Variants in FAP observed in about 807,000 individuals in gnomAD.
The protein encoded by FAP is fibroblast activation protein alpha.
Under a neutral mutation model 126.5 loss-of-function variants are expected in FAP, and 110 were observed. The ratio of observed to expected loss-of-function variants is 0.87; its 90% confidence interval spans 0.74 to 1.02. The LOEUF (loss-of-function observed/expected upper bound fraction) is 1.02. Among genes scored for constraint, FAP ranks in the 50% least tolerant of loss-of-function variants. The probability of loss-of-function intolerance (pLI) is 0.00; values close to 1 mark genes in which losing one functional copy is unlikely to be tolerated. For missense variants in FAP, 919 were observed against 909.2 expected (o/e 1.01, Z -0.14); for synonymous variants, 334 against 297.3 (o/e 1.12, Z -1.27).
intron 21 of FAP, among the ~76,000 whole-genome samples, chr2:162,180,371 C>A (rs376648882): frequency 6.6e-6 from 1 of 152,108 alleles, no homozygotes; most frequent in Admixed American, 6.6e-5. Context: ...AATTGAAGTG[C>A]GAAACCTGTG....
At chr2:162,213,799 T>C in intron 11 of FAP, 139 bp downstream of exon 11, 1 of 670,684 alleles carries the variant, frequency 1.5e-6, no homozygotes, top group East Asian at 2.7e-5. Flanking sequence ...CCATGAATAC[T>C]GAGTGTGTTT....
intron 2 of FAP, among the ~76,000 whole-genome samples, chr2:162,232,149 C>G (rs910676879): frequency 1.3e-5 from 2 of 151,496 alleles, no homozygotes; most frequent in African/African-American, 4.9e-5. Context: ...AGACTGACAA[C>G]TCTGAAAAAA....
intron 21 of FAP, among the ~76,000 whole-genome samples, chr2:162,179,812 ATTTTTT>A (rs1206502227): frequency 3.3e-5 from 3 of 90,554 alleles, no homozygotes; most frequent in African/African-American, 1.1e-4. Context: ...ATATATATAT[ATTTTTT>A]TTTTTTTTGA....
chr2:162,225,021 T>C (rs1308550348), intron 4 of FAP, among the ~76,000 whole-genome samples: 3 of 152,176 alleles, frequency 2.0e-5, no homozygotes, highest in Non-Finnish European at 4.4e-5. Context: ...TACCACTTAT[T>C]AAGCACTTAT....
rs764434739 is a variant in FAP, at chr2:162,242,946, G to T, written c.53C>A (p.Ala18Asp). Residue 18 changes from alanine to aspartate, a missense_variant, in exon 2 of 26, where the codon GCC becomes GAC. By Grantham distance (126) the Ala-to-Asp change is moderately radical. Transcript: ENST00000188790. ...VFGVATSAVLALLVMCIVLRP... is the reference protein window; with the variant it reads ...VFGVATSAVLDLLVMCIVLRP... ...TAAGACAATGCACATCACCAATAAG[G>T]CAAGCACAGCAGAGGTGGCAACTCC... 1 of 1,613,138 alleles carries T rather than the reference G, an allele frequency of 6.2e-7. No individual in the cohort carries two copies. The highest frequency in any genetic ancestry group is 1.1e-5 in the South Asian group (1 of 90,982).
At chr2:162,224,340 T>C in intron 5 of FAP, 126 bp downstream of exon 5, 1 of 611,710 alleles carries the variant, frequency 1.6e-6, no homozygotes, top group Admixed American at 3.5e-5. Flanking sequence ...TGCTGAAGAT[T>C]ATTGGTGACG....
intron 16 of FAP, among the ~76,000 whole-genome samples, chr2:162,195,778 A>T (rs1000522353): frequency 6.6e-5 from 10 of 152,162 alleles, no homozygotes; most frequent in African/African-American, 2.4e-4. Context: ...CTGGAAATAT[A>T]CCTTTTAAGC....
At chr2:162,201,711 G>A (rs949195346) in intron 14 of FAP, among the ~76,000 whole-genome samples, 2 of 152,052 alleles carry the variant, frequency 1.3e-5, no homozygotes, top group East Asian at 1.9e-4. Context: ...CTTCCATTTA[G>A]AGAATGTGTA....
chr2:162,196,539 TA>T (rs967384680), intron 16 of FAP, among the ~76,000 whole-genome samples: 7 of 149,592 alleles, frequency 4.7e-5, no homozygotes, highest in Admixed American at 6.7e-5. Context: ...TTTTTTTGCC[TA>T]AAAAATGAGA....
intron 14 of FAP, among the ~76,000 whole-genome samples, chr2:162,202,547 G>A (rs111700737): frequency 6.6e-6 from 1 of 152,294 alleles, no homozygotes; most frequent in African/African-American, 2.4e-5. Flanking sequence ...CTGCCCTCCA[G>A]GGAATTTTGA....
In FAP at chr2:162,219,161, A is replaced by T; in HGVS notation, c.509T>A (p.Ile170Asn). ...SKLAYVYQNN[I>N]YLKQRPGDPP... The stretch of plus-strand genomic sequence containing the variant: ...ATCTCCTGGTCTTTGTTTCAAATAG[A>T]TATTGTTTTGATAGACATATGCCTA... The change falls in exon 8 of 26, where the codon ATC (isoleucine) becomes AAC (asparagine). Residue 170 changes from isoleucine (I) to asparagine (N), a missense_variant. Transcript: ENST00000188790. 1 of 1,607,178 alleles carries T rather than the reference A, an allele frequency of 6.2e-7. No homozygotes were observed. Among genetic ancestry groups the T allele is most frequent in the Non-Finnish European group, 8.5e-7 (1 of 1,176,518 alleles).
chr2:162,182,352 T>TA (rs1687722155), intron 21 of FAP, among the ~76,000 whole-genome samples: 1 of 152,208 alleles, frequency 6.6e-6, no homozygotes, highest in South Asian at 2.1e-4. Flanking sequence ...GGAAACTTTA[T>TA]AAAAATGGAT....
chr2:162,220,339 T>C (rs1689337315), intron 6 of FAP, among the ~76,000 whole-genome samples: 1 of 152,204 alleles, frequency 6.6e-6, no homozygotes, highest in East Asian at 1.9e-4. Context: ...TAAACTCAAG[T>C]CCTTTTAACC....
rs911336723 is a variant in FAP, at chr2:162,202,774, A to G, written c.1223+98T>C. On this transcript the variant is annotated intron_variant, in intron 14 of 25. Transcript: ENST00000188790. ...ACAACTGTCTGAATTATAGAGTAAC[A>G]AAAATCTTCTTAACTAAGAGAGTTG... 14 of 852,186 alleles carry G rather than the reference A, an allele frequency of 1.6e-5. No homozygotes were observed. In the African/African-American group the frequency reaches 2.4e-4, roughly 14 times the overall value. The allele number at this position is 852,186 out of a possible 1,614,324, so 52.8% of individuals were successfully genotyped here. A position where few individuals can be genotyped will look rare whatever the true frequency, so the allele number is the denominator to read the frequency against.
At chr2:162,236,945 G>T (rs1038602928) in intron 2 of FAP, among the ~76,000 whole-genome samples, 1 of 151,992 alleles carries the variant, frequency 6.6e-6, no homozygotes, top group South Asian at 2.1e-4. Flanking sequence ...TCCTTAAAAG[G>T]TCCTAACATC....
chr2:162,210,647 T>A (rs1688894771), intron 11 of FAP, among the ~76,000 whole-genome samples: 1 of 152,164 alleles, frequency 6.6e-6, no homozygotes, highest in Non-Finnish European at 1.5e-5. Flanking sequence ...TATGGCACCC[T>A]AAGAAGTTTC....
At chr2:162,181,283 G>GA (rs1026542696) in intron 21 of FAP, among the ~76,000 whole-genome samples, 1 of 150,452 alleles carries the variant, frequency 6.6e-6, no homozygotes. Flanking sequence ...TCTCAAAAAA[G>GA]AAAAAAAATA....
chr2:162,239,236 C>T (rs181119806), intron 2 of FAP, among the ~76,000 whole-genome samples: 1 of 151,840 alleles, frequency 6.6e-6, no homozygotes, highest in Admixed American at 6.6e-5. Context: ...AGGGTTTCGC[C>T]ATGTTGCCCA....
chr2:162,188,241 C>T lies in FAP; in HGVS notation c.1742G>A (p.Gly581Asp), dbSNP rs773544398. 4 of 1,613,346 alleles carry T rather than the reference C, an allele frequency of 2.5e-6. 1 individual carries two copies. The South Asian group carries it at 4.4e-5, about 18-fold the overall frequency. The stretch of plus-strand genomic sequence containing the variant: ...ATACACTGCATAGAGGAGTTTGTCA[C>T]CTTGGAAAGCTGTTCCTCGACCATC... ...LVDGRGTAFQ[G>D]DKLLYAVYRK... The change falls in exon 20 of 26, where the codon GGT becomes GAT. Residue 581 changes from glycine (G) to aspartate (D), a missense_variant. Gly to Asp is a moderately conservative substitution (Grantham distance 94, BLOSUM62 -1). Coordinates refer to ENST00000188790, the MANE Select transcript of FAP (RefSeq NM_004460.5).
Sources: allele counts gnomAD v4.1 joint callset (sites outside exome capture counted in the v4.1 genomes callset), GRCh38; gene constraint gnomAD v4.1.1; transcripts MANE v1.5; gene names NCBI Gene and HGNC (gene_info 2026-07-23, HGNC 2026-07-21).